The following SATL1 variants were observed in gnomAD, a reference collection of about 807,000 sequenced individuals.
SATL1 encodes the protein spermidine/spermine N1-acetyl transferase like 1.
SATL1 carries 47 observed loss-of-function variants against 51.8 expected under a neutral mutation model. The ratio of observed to expected loss-of-function variants is 0.91; its 90% CI spans 0.72 to 1.16. The LOEUF is 1.16. SATL1 is among the 50% of genes most tolerant of loss of function. The pLI, the probability that SATL1 is intolerant of heterozygous loss-of-function variation, is 0.00. For synonymous variants in SATL1, 176 were observed against 182.4 expected (o/e 0.97, Z 0.28); for missense variants, 520 against 526.4 (o/e 0.99, Z 0.12).
rs1406513266 is a variant in SATL1, at chrX:85,092,570, A to G, written c.1918-9T>C. Reference sequence around the variant, plus strand: ...TGAGTTGTGATGGCTATCTGTTTAAAAACAAACAAGCAAATATTACTTTCA... The same window carrying G: ...TGAGTTGTGATGGCTATCTGTTTAAGAACAAACAAGCAAATATTACTTTCA... On this transcript the variant is annotated splice_polypyrimidine_tract_variant and intron_variant, in intron 7 of 7. Transcript: ENST00000644105. The G allele has an allele frequency of 8.4e-7, 1 of 1,195,249 alleles. No individual in the cohort carries two copies. Among genetic ancestry groups the G allele is most frequent in the Non-Finnish European group, 1.1e-6 (1 of 884,515 alleles).
chrX:85,239,944 G>GA (rs201218370), intron 1 of SATL1, among the ~76,000 whole-genome samples: 6 of 105,366 alleles, frequency 5.7e-5, no homozygotes, highest in African/African-American at 1.0e-4. Flanking sequence ...ACACATGCAA[G>GA]AAAAAAAAAA....
At chrX:85,217,137 A>G (rs1928062499) in intron 2 of SATL1, among the ~76,000 whole-genome samples, 1 of 111,823 alleles carries the variant, frequency 8.9e-6, no homozygotes, top group Non-Finnish European at 1.9e-5. Flanking sequence ...AGTGTAGGGA[A>G]ACATACATTA....
At chrX:85,171,633 T>C (rs1926974760) in intron 2 of SATL1, among the ~76,000 whole-genome samples, 1 of 111,475 alleles carries the variant, frequency 9.0e-6, no homozygotes, top group Non-Finnish European at 1.9e-5. Context: ...AGTAGGTCAT[T>C]AGAAAAGACA....
intron 2 of SATL1, among the ~76,000 whole-genome samples, chrX:85,194,478 C>T (rs1927508161): frequency 9.0e-6 from 1 of 110,993 alleles, no homozygotes; most frequent in African/African-American, 3.3e-5. Context: ...ATAGAATTGA[C>T]AGGTATGAGA....
chrX:85,213,719 T>C (rs1029313322), intron 2 of SATL1, among the ~76,000 whole-genome samples: 1 of 111,805 alleles, frequency 8.9e-6, no homozygotes, highest in Non-Finnish European at 1.9e-5. Context: ...AGCTGTGTGA[T>C]TGAATAAAAA....
chrX:85,219,992 A>G (rs751323748), intron 2 of SATL1, among the ~76,000 whole-genome samples: 1 of 102,959 alleles, frequency 9.7e-6, no homozygotes, highest in African/African-American at 3.6e-5. Flanking sequence ...ACTGAAAGAA[A>G]TACTGAAGAG....
At chrX:85,095,503 G>A (rs1361295309) in intron 4 of SATL1, among the ~76,000 whole-genome samples, 2 of 109,974 alleles carry the variant, frequency 1.8e-5, no homozygotes, top group Admixed American at 2.0e-4. Context: ...ATATATACAG[G>A]GGAATTTAGA....
chrX:85,205,398 C>T (rs2067209466), intron 2 of SATL1, among the ~76,000 whole-genome samples: 1 of 111,456 alleles, frequency 9.0e-6, no homozygotes, highest in Non-Finnish European at 1.9e-5. Context: ...AACAAATAAG[C>T]AAGTAAATAA....
chrX:85,120,977 G>T (rs758022440), intron 2 of SATL1, among the ~76,000 whole-genome samples: 67 of 111,126 alleles, frequency 6.0e-4, no homozygotes, highest in African/African-American at 2.1e-3. Context: ...ATGGAAAGAG[G>T]TAGTAGAAGA....
chrX:85,155,715 A>C (rs1926571391), intron 2 of SATL1, among the ~76,000 whole-genome samples: 1 of 111,121 alleles, frequency 9.0e-6, no homozygotes, highest in Admixed American at 9.7e-5. Context: ...TAGTGAAAAA[A>C]ATAGGGGCCA....
At position 85,224,309 on chromosome X, in the gene SATL1, C is replaced by A. The variant is rs772333508; in HGVS notation, c.-417G>T. 13 of 111,403 alleles carry A rather than the reference C, an allele frequency of 1.2e-4. No homozygotes were observed. Among genetic ancestry groups the A allele is most frequent in the African/African-American group, 3.9e-4 (12 of 30,620 alleles). 9.2% of individuals were successfully genotyped at this position (111,403 alleles called of 1,213,427 possible). ...TCTTCTCCTCTGTGTGTGTCTATGT[C>A]TCCTCTTCTGCCTGTATCTTAACAG... is the stretch of plus-strand genomic sequence containing the variant. On this transcript the variant is annotated 5_prime_UTR_variant, in exon 2 of 8. Coordinates refer to ENST00000644105, the MANE Select transcript of SATL1 (RefSeq NM_001367857.2).
At chrX:85,225,337 A>G (rs1485011491) in intron 1 of SATL1, among the ~76,000 whole-genome samples, 1 of 112,532 alleles carries the variant, frequency 8.9e-6, no homozygotes, top group Admixed American at 9.4e-5. Flanking sequence ...ATACTGAATT[A>G]AAGTTCTACA....
intron 2 of SATL1, among the ~76,000 whole-genome samples, chrX:85,131,039 C>A (rs2056932044): frequency 8.9e-6 from 1 of 111,879 alleles, no homozygotes; most frequent in South Asian, 3.7e-4. Context: ...TTTTCTTTTA[C>A]ATTTGCTGAG....
intron 2 of SATL1, among the ~76,000 whole-genome samples, chrX:85,215,331 A>T (rs1030022634): frequency 9.0e-6 from 1 of 111,376 alleles, no homozygotes; most frequent in African/African-American, 3.3e-5. Flanking sequence ...CATAGTCTTG[A>T]CTATTAGCGC....
intron 2 of SATL1, among the ~76,000 whole-genome samples, chrX:85,163,006 T>C (rs1297916157): frequency 9.1e-6 from 1 of 110,112 alleles, no homozygotes; most frequent in Non-Finnish European, 1.9e-5. Context: ...AGTTTTCTTT[T>C]TTTTTTTTTA....
At chrX:85,118,273 T>A (rs777467286) in intron 2 of SATL1, 1 of 108,658 alleles carries the variant, frequency 9.2e-6, no homozygotes, top group South Asian at 4.1e-4. Flanking sequence ...TTAAATGTTT[T>A]CCTATTTGGT....
chrX:85,155,479 T>A (rs1291649444), intron 2 of SATL1, among the ~76,000 whole-genome samples: 1 of 111,801 alleles, frequency 8.9e-6, no homozygotes, highest in African/African-American at 3.2e-5. Context: ...AATGAAATAA[T>A]TAATGAAAAA....
intron 2 of SATL1, among the ~76,000 whole-genome samples, chrX:85,121,402 AT>A (rs1925503905): frequency 9.6e-6 from 1 of 104,184 alleles, no homozygotes; most frequent in Non-Finnish European, 1.9e-5. Context: ...ATATAAATAT[AT>A]ATATTTCTTG....
intron 2 of SATL1, among the ~76,000 whole-genome samples, chrX:85,135,817 C>T (rs771057294): frequency 7.3e-5 from 8 of 109,845 alleles, no homozygotes; most frequent in African/African-American, 2.7e-4. Context: ...TGAGCTCAAG[C>T]GTTCCATCTG....
Sources: gnomAD v4.1 joint callset for allele counts (sites outside exome capture counted in the v4.1 genomes callset) on GRCh38, gnomAD v4.1.1 for gene constraint, MANE v1.5 for transcripts, NCBI Gene and HGNC (gene_info 2026-07-23, HGNC 2026-07-21) for gene names.